TET2: variants seen among roughly 807,000 people sequenced by gnomAD.
TET2 encodes methylcytosine dioxygenase TET2.
In TET2, 299 loss-of-function variants were observed where a neutral mutation model predicts 142.9. The ratio of observed to expected loss-of-function variants is 2.09; its 90% CI spans 1.90 to 2.30. The LOEUF is 2.30. Ranked by LOEUF, TET2 falls within the 30% of genes most tolerant of loss-of-function variation. The pLI is 0.00. For synonymous variants in TET2, 819 were observed against 849.0 expected, an observed-to-expected ratio of 0.96 and a Z score of 0.61; for missense variants, 2,418 against 2,378.0, an observed-to-expected ratio of 1.02 and a Z score of -0.35.
intron 2 of TET2, among the ~76,000 whole-genome samples, chr4:105,224,405 A>G (rs185679990): frequency 6.6e-6 from 1 of 152,282 alleles, no homozygotes; most frequent in East Asian, 1.9e-4. Context: ...GCCTGTCATA[A>G]TTATGATGGA....
At chr4:105,152,213 A>G (rs556916301) in intron 1 of TET2, among the ~76,000 whole-genome samples, 1 of 152,142 alleles carries the variant, frequency 6.6e-6, no homozygotes, top group Non-Finnish European at 1.5e-5. Context: ...CCCGGGAGGC[A>G]GAGGCTGCGG....
chr4:105,210,188 G>A (rs1288729627), intron 2 of TET2, among the ~76,000 whole-genome samples: 4 of 152,174 alleles, frequency 2.6e-5, no homozygotes, highest in Non-Finnish European at 4.4e-5. Context: ...GGAGACGATT[G>A]AAAATCCAAA....
In TET2 at chr4:105,276,817, C is replaced by T. The variant is rs142940586; in HGVS notation, c.*298C>T. ...TTTAAACACTGGTTCTATTATTGGA[C>T]GAGATGATATGTAAATGTGATCCCC... is the stretch of plus-strand genomic sequence containing the variant. On this transcript the variant is annotated 3_prime_UTR_variant, in exon 11 of 11. Coordinates refer to ENST00000380013, the MANE Select transcript of TET2 (RefSeq NM_001127208.3). The T allele has an allele frequency of 5.9e-4, 170 of 287,988 alleles. 1 individual carries two copies. The highest frequency in any genetic ancestry group is 3.5e-3 in the African/African-American group (151 of 43,658). The allele number at this position is 287,988 out of a possible 1,614,324, so 17.8% of individuals were successfully genotyped here.
intron 1 of TET2, among the ~76,000 whole-genome samples, chr4:105,149,756 C>T (rs1384943584): frequency 6.6e-6 from 1 of 152,212 alleles, no homozygotes; most frequent in Non-Finnish European, 1.5e-5. Context: ...CCAAACTCTT[C>T]TTAAGGCTTT....
At chr4:105,215,039 A>G (rs1174391393) in intron 2 of TET2, among the ~76,000 whole-genome samples, 1 of 152,118 alleles carries the variant, frequency 6.6e-6, no homozygotes, top group African/African-American at 2.4e-5. Flanking sequence ...GGGGTCTGAC[A>G]CTGTCTCCGG....
chr4:105,159,251 C>CTT lies in TET2; in HGVS notation c.-193+12289_-193+12290dup, dbSNP rs779676545. Reference sequence around the variant, plus strand: ...GATTAATCTTTTTCTTTCTTTCTTTCTTTTTTTTTTTTTTTTTTGAGACGG... The same window carrying CTT: ...GATTAATCTTTTTCTTTCTTTCTTTCTTTTTTTTTTTTTTTTTTTTGAGACGG... On this transcript the variant is annotated intron_variant, in intron 1 of 10. Transcript: ENST00000380013. Among the ~76,000 whole-genome samples the CTT allele has an allele frequency of 9.7e-4, 130 of 134,564 alleles. 1 individual carries two copies. The highest frequency in any genetic ancestry group is 2.4e-3 in the African/African-American group (87 of 35,956). The allele number at this position is 134,564 out of a possible 152,430, so 88.3% of individuals were successfully genotyped here.
chr4:105,206,120 T>C (rs1435245218), intron 2 of TET2, among the ~76,000 whole-genome samples: 2 of 152,234 alleles, frequency 1.3e-5, no homozygotes, highest in African/African-American at 2.4e-5. Flanking sequence ...TTGTTAGTGC[T>C]TCAGCCCATC....
chr4:105,250,693 G>T (rs1196943509), intron 6 of TET2, among the ~76,000 whole-genome samples: 1 of 151,924 alleles, frequency 6.6e-6, no homozygotes, highest in Non-Finnish European at 1.5e-5. Flanking sequence ...ACAAAGTCCT[G>T]CACTTTTTAT....
At chr4:105,176,090 G>C (rs1320040324) in intron 1 of TET2, among the ~76,000 whole-genome samples, 2 of 152,038 alleles carry the variant, frequency 1.3e-5, no homozygotes, top group Admixed American at 1.3e-4. Flanking sequence ...AAATGATACA[G>C]GTTAGAAACT....
rs181101085 is a variant in TET2 at position 105,204,180 on chromosome 4, G to A, written c.-47+13675G>A. 2.3e-3 allele frequency among the ~76,000 whole-genome samples: 338 copies of A among 146,706 alleles called. 1 individual carries two copies. Among genetic ancestry groups the A allele is most frequent in the Non-Finnish European group, 3.9e-3 (260 of 66,956 alleles). ...GTCACTGCATTCCAGCCTGGGCGAC[G>A]GAGTGAGACTCCGTCTCAAAAAACA... On this transcript the variant is annotated intron_variant, in intron 2 of 10. Coordinates refer to ENST00000380013, the MANE Select transcript of TET2 (RefSeq NM_001127208.3).
intron 6 of TET2, among the ~76,000 whole-genome samples, chr4:105,255,696 TTTA>T (rs918708049): frequency 1.3e-5 from 2 of 152,148 alleles, no homozygotes; most frequent in Non-Finnish European, 2.9e-5. Flanking sequence ...GCTTGAACTT[TTTA>T]TTATAAAATG....
chr4:105,169,014 T>C (rs1417627977), intron 1 of TET2, among the ~76,000 whole-genome samples: 3 of 152,232 alleles, frequency 2.0e-5, no homozygotes, highest in African/African-American at 7.2e-5. Flanking sequence ...TGGTTCCACA[T>C]TTTTGCAATT....
At chr4:105,200,031 T>A (rs144979225) in intron 2 of TET2, among the ~76,000 whole-genome samples, 1 of 152,158 alleles carries the variant, frequency 6.6e-6, no homozygotes, top group Admixed American at 6.6e-5. Context: ...TATAATAGAA[T>A]AATTTTTTTT....
rs946797237 is a variant in TET2 at position 105,160,834 on chromosome 4, C to T, written c.-193+13855C>T. Among the ~76,000 whole-genome samples, 5 of 152,170 alleles carry T rather than the reference C, an allele frequency of 3.3e-5. No individual in the cohort carries two copies. In the South Asian group the frequency reaches 6.2e-4, roughly 19 times the overall value. On this transcript the variant is annotated intron_variant, in intron 1 of 10. Transcript: ENST00000380013. ...CTCTGTCGCCCAGGCTGGAGTGAAG[C>T]GGAGCGATCTGGGCTCACCGCAACC...
intron 1 of TET2, among the ~76,000 whole-genome samples, chr4:105,188,628 C>T (rs1725602310): frequency 6.6e-6 from 1 of 151,974 alleles, no homozygotes; most frequent in South Asian, 2.1e-4. Flanking sequence ...TCATTGATAG[C>T]TAAAGGAAAC....
In TET2 at chr4:105,275,208, C is replaced by T. The variant is rs1445750650; in HGVS notation, c.4698C>T (p.Thr1566=). 5 of 1,552,336 alleles carry T rather than the reference C, an allele frequency of 3.2e-6. No individual in the cohort carries two copies. The South Asian group carries it at 4.8e-5, about 15-fold the overall frequency. Residue 1566 remains threonine, a synonymous_variant, in exon 11 of 11, where the codon ACC becomes ACT. Coordinates refer to ENST00000380013, the MANE Select transcript of TET2 (RefSeq NM_001127208.3). ...SVNSYSASGS[T]NPYMRRPNPV... ...ACTCTTATTCTGCTTCTGGATCCAC[C>T]AATCCATACATGAGACGGCCCAATC...
intron 1 of TET2, among the ~76,000 whole-genome samples, chr4:105,154,727 G>A (rs1287712450): frequency 6.6e-6 from 1 of 152,148 alleles, no homozygotes; most frequent in Non-Finnish European, 1.5e-5. Context: ...TGTAACCCAA[G>A]TGTTAAAAGG....
At chr4:105,167,427 G>A (rs1046527826) in intron 1 of TET2, among the ~76,000 whole-genome samples, 1 of 151,614 alleles carries the variant, frequency 6.6e-6, no homozygotes, top group African/African-American at 2.4e-5. Flanking sequence ...ACATGTATAT[G>A]TAGTATATGT....
chr4:105,275,410 A>G lies in TET2; in HGVS notation c.4900A>G (p.Asn1634Asp), dbSNP rs1268890978. The change falls in exon 11 of 11, where the codon AAT (asparagine) becomes GAT (aspartate). Residue 1634 changes from asparagine to aspartate, a missense_variant. Physicochemically the swap from Asn to Asp is conservative, Grantham distance 23 (BLOSUM62 1). Coordinates refer to ENST00000380013, the MANE Select transcript of TET2 (RefSeq NM_001127208.3). ...QNTQYPSYQC[N>D]GNLSVDNCSP... The stretch of plus-strand genomic sequence containing the variant: ...TACCCAATATCCATCATATCAATGC[A>G]ATGGAAACCTATCAGTGGACAACTG... 1.3e-6 allele frequency: 2 copies of G among 1,551,660 alleles called. No individual in the cohort carries two copies. The highest frequency in any genetic ancestry group is 1.7e-6 in the Non-Finnish European group (2 of 1,146,970).
Sources: allele counts gnomAD v4.1 joint callset (sites outside exome capture counted in the v4.1 genomes callset), GRCh38; gene constraint gnomAD v4.1.1; transcripts MANE v1.5; gene names NCBI Gene and HGNC (gene_info 2026-07-23, HGNC 2026-07-21).